The following KHDRBS2 variants were observed in gnomAD, a reference collection of about 807,000 sequenced individuals.
KHDRBS2 encodes KH RNA binding domain containing, signal transduction associated 2.
KHDRBS2 carries 26 observed loss-of-function variants against 44.3 expected under a neutral mutation model. The observed-to-expected ratio is 0.59, with a 90% CI of 0.43 to 0.81. KHDRBS2 has a LOEUF of 0.81. KHDRBS2 is among the 40% of genes least tolerant of loss of function. The pLI is 0.00. For missense variants in KHDRBS2, 476 were observed against 433.1 expected, an observed-to-expected ratio of 1.10 and a Z score of -0.88; for synonymous variants, 194 against 151.1, an observed-to-expected ratio of 1.28 and a Z score of -2.08.
chr6:62,074,587 A>G (rs1795955707), intron 2 of KHDRBS2, among the ~76,000 whole-genome samples: 1 of 151,794 alleles, frequency 6.6e-6, no homozygotes, highest in Non-Finnish European at 1.5e-5. Flanking sequence ...ACTAACTTTT[A>G]TTTTCTATCT....
intron 1 of KHDRBS2, among the ~76,000 whole-genome samples, chr6:62,196,553 G>C (rs1231280689): frequency 1.3e-5 from 2 of 150,814 alleles, no homozygotes; most frequent in African/African-American, 4.9e-5. Flanking sequence ...CTTTAGGTCT[G>C]AGGTATGTAC....
In KHDRBS2 at chr6:62,128,986, A is replaced by G. The variant is rs191660528; in HGVS notation, c.219+48199T>C. On this transcript the variant is annotated intron_variant, in intron 2 of 8. Transcript: ENST00000281156. ...CTTATTCCATATAGACATGATAAAT[A>G]TAATGTGTGTGACTATCACTGAATG... Among the ~76,000 whole-genome samples, 5 of 148,628 alleles carry G rather than the reference A, an allele frequency of 3.4e-5. 1 individual carries two copies. In the East Asian group the frequency reaches 9.6e-4, roughly 29 times the overall value.
intron 4 of KHDRBS2, among the ~76,000 whole-genome samples, chr6:61,969,480 T>A (rs1437051996): frequency 6.6e-6 from 1 of 152,076 alleles, no homozygotes; most frequent in Non-Finnish European, 1.5e-5. Context: ...TGAAATCTTA[T>A]CCTAACTATA....
intron 6 of KHDRBS2, among the ~76,000 whole-genome samples, chr6:61,862,627 A>C (rs1201412360): frequency 2.0e-5 from 3 of 152,022 alleles, no homozygotes; most frequent in Admixed American, 2.0e-4. Context: ...ATGTTTATTT[A>C]TTTGCATATG....
At chr6:61,761,484 A>G (rs1779260290) in intron 6 of KHDRBS2, among the ~76,000 whole-genome samples, 1 of 152,198 alleles carries the variant, frequency 6.6e-6, no homozygotes, top group Admixed American at 6.5e-5. Context: ...AGACACACCA[A>G]CTAATATGTT....
intron 1 of KHDRBS2, among the ~76,000 whole-genome samples, chr6:62,255,141 C>T (rs1005827193): frequency 6.6e-6 from 1 of 152,008 alleles, no homozygotes; most frequent in African/African-American, 2.4e-5. Flanking sequence ...TTTCAATTTA[C>T]AAATAGATCA....
intron 2 of KHDRBS2, among the ~76,000 whole-genome samples, chr6:62,106,311 T>C (rs1465364157): frequency 6.6e-6 from 1 of 152,168 alleles, no homozygotes; most frequent in Non-Finnish European, 1.5e-5. Flanking sequence ...GGTGCAGAGC[T>C]GAGTTCAATT....
intron 1 of KHDRBS2, among the ~76,000 whole-genome samples, chr6:62,261,160 T>A (rs938285069): frequency 1.6e-4 from 24 of 152,034 alleles, no homozygotes; most frequent in South Asian, 8.3e-4. Context: ...ATATAGTAAT[T>A]TTACTCCTTT....
chr6:62,099,030 T>C (rs894633889), intron 2 of KHDRBS2, among the ~76,000 whole-genome samples: 2 of 152,326 alleles, frequency 1.3e-5, no homozygotes, highest in Admixed American at 6.5e-5. Flanking sequence ...TTCTGACAAA[T>C]TATTCAATTG....
intron 1 of KHDRBS2, among the ~76,000 whole-genome samples, chr6:62,255,605 A>AACACACACAC (rs60498757): frequency 2.2e-5 from 3 of 137,424 alleles, no homozygotes; most frequent in Non-Finnish European, 3.1e-5. Context: ...CATGCTTTAA[A>AACACACACAC]ACACACACAC....
intron 1 of KHDRBS2, among the ~76,000 whole-genome samples, chr6:62,279,573 A>G (rs939422099): frequency 1.6e-4 from 25 of 152,204 alleles, no homozygotes; most frequent in Non-Finnish European, 3.1e-4. Flanking sequence ...AAAGAATTGC[A>G]TGTTGCAATG....
chr6:61,830,053 T>A (rs1437336728), intron 6 of KHDRBS2, among the ~76,000 whole-genome samples: 1 of 152,232 alleles, frequency 6.6e-6, no homozygotes, highest in Non-Finnish European at 1.5e-5. Flanking sequence ...AAAAAATAGA[T>A]AATTGCATGC....
chr6:62,085,779 G>A (rs1024154643), intron 2 of KHDRBS2, among the ~76,000 whole-genome samples: 9 of 152,066 alleles, frequency 5.9e-5, no homozygotes, highest in Admixed American at 1.3e-4. Context: ...TTAGAAGACT[G>A]CAGAATCATA....
At chr6:61,712,640 C>T (rs1770703854) in intron 7 of KHDRBS2, among the ~76,000 whole-genome samples, 1 of 151,802 alleles carries the variant, frequency 6.6e-6, no homozygotes, top group South Asian at 2.1e-4. Flanking sequence ...ACATGGCAAA[C>T]ATTTTGAATC....
intron 2 of KHDRBS2, among the ~76,000 whole-genome samples, chr6:62,066,894 G>C (rs1015578521): frequency 4.6e-5 from 7 of 151,444 alleles, no homozygotes; most frequent in Non-Finnish European, 1.0e-4. Flanking sequence ...CTATAGTGTT[G>C]TTTATTATTT....
At chr6:61,791,864 T>C (rs1456814253) in intron 6 of KHDRBS2, among the ~76,000 whole-genome samples, 4 of 151,404 alleles carry the variant, frequency 2.6e-5, no homozygotes, top group African/African-American at 9.7e-5. Context: ...TATTACTTTA[T>C]AATATTTGCC....
chr6:61,771,736 T>C (rs1780945893), intron 6 of KHDRBS2, among the ~76,000 whole-genome samples: 1 of 152,046 alleles, frequency 6.6e-6, no homozygotes, highest in Non-Finnish European at 1.5e-5. Flanking sequence ...ACAATAATAA[T>C]GAGAGACTTT....
At chr6:62,273,589 C>CAG (rs1346280780) in intron 1 of KHDRBS2, among the ~76,000 whole-genome samples, 7 of 152,162 alleles carry the variant, frequency 4.6e-5, no homozygotes, top group Admixed American at 2.0e-4. Flanking sequence ...TGTTATTCCT[C>CAG]AGAGTTTTAT....
chr6:61,688,436 A>C (rs1451836206), intron 8 of KHDRBS2, among the ~76,000 whole-genome samples: 1 of 151,912 alleles, frequency 6.6e-6, no homozygotes, highest in East Asian at 1.9e-4. Context: ...AGGAGTTTAT[A>C]ATATGAGGAA....
Sources: gnomAD v4.1 joint callset for allele counts (sites outside exome capture counted in the v4.1 genomes callset) on GRCh38, gnomAD v4.1.1 for gene constraint, MANE v1.5 for transcripts, NCBI Gene and HGNC (gene_info 2026-07-23, HGNC 2026-07-21) for gene names.